The following SLC38A9 variants were observed in gnomAD, a reference collection of about 807,000 sequenced individuals.
SLC38A9 encodes neutral amino acid transporter 9.
A neutral mutation model predicts 62.3 loss-of-function variants in SLC38A9; 48 were observed. That is an observed-to-expected ratio of 0.77 (90% CI 0.61 to 0.98). SLC38A9 has a LOEUF of 0.98. SLC38A9 is among the 50% of genes least tolerant of loss of function. The pLI is 0.00. For missense variants in SLC38A9, 541 were observed against 679.8 expected, an observed-to-expected ratio of 0.80 and a Z score of 2.27; for synonymous variants, 204 against 227.7, an observed-to-expected ratio of 0.90 and a Z score of 0.94.
Position 55,712,269 on chromosome 5 carries a change from C to T in SLC38A9, c.-135G>A, listed in dbSNP as rs571166709. ...AGAACTAGACGAGAAGATAAAGATT[C>T]CCTTCCCAAATTCTCGCAATTTGCG... On this transcript the variant is annotated 5_prime_UTR_variant, in exon 1 of 16. Transcript: ENST00000396865. The T allele has an allele frequency of 1.3e-5, 2 of 152,794 alleles. No individual in the cohort carries two copies. Among genetic ancestry groups the T allele is most frequent in the Admixed American group, 6.5e-5 (1 of 15,312 alleles). 9.5% of individuals were successfully genotyped at this position (152,794 alleles called of 1,614,324 possible).
chr5:55,626,560 T>G lies in SLC38A9; in HGVS notation c.1620A>C (p.Lys540Asn). The part of the protein sequence containing the change: ...LHQEERLTWP[K>N]LIFHVFIIIL... ...TGATGATGAAAACGTGGAAGATTAA[T>G]TTAGGCCATGTCAGACGCTCTTCTT... Residue 540 changes from lysine to asparagine, a missense_variant, in exon 16 of 16, where the codon AAA becomes AAC. By Grantham distance (94) the Lys-to-Asn change is moderately conservative. Coordinates refer to ENST00000396865, the MANE Select transcript of SLC38A9 (RefSeq NM_173514.4). 1.2e-6 allele frequency: 2 copies of G among 1,613,740 alleles called. No homozygotes were observed. Among genetic ancestry groups the G allele is most frequent in the Non-Finnish European group, 1.7e-6 (2 of 1,179,844 alleles).
intron 12 of SLC38A9, among the ~76,000 whole-genome samples, chr5:55,640,541 C>A (rs1745289700): frequency 6.6e-6 from 1 of 152,184 alleles, no homozygotes; most frequent in African/African-American, 2.4e-5. Flanking sequence ...CCATCTCAGT[C>A]CAGCCCTGAG....
chr5:55,676,771 A>T (rs987724216), intron 3 of SLC38A9, among the ~76,000 whole-genome samples: 1 of 152,168 alleles, frequency 6.6e-6, no homozygotes, highest in African/African-American at 2.4e-5. Context: ...TAAAAACAAA[A>T]ACAACCCCAT....
chr5:55,628,324 C>T (rs998988560), intron 14 of SLC38A9, among the ~76,000 whole-genome samples: 3 of 152,028 alleles, frequency 2.0e-5, no homozygotes, highest in African/African-American at 7.2e-5. Flanking sequence ...TATGAAAAAA[C>T]AGAAGAATCC....
chr5:55,638,944 G>A (rs1224689554), intron 12 of SLC38A9, among the ~76,000 whole-genome samples: 1 of 152,150 alleles, frequency 6.6e-6, no homozygotes, highest in African/African-American at 2.4e-5. Flanking sequence ...AGGGTTATAG[G>A]GACTACATAT....
In SLC38A9 at chr5:55,632,451, AAAC is replaced by A. The variant is rs756916716; in HGVS notation, c.1430+1300_1430+1302del. Reference sequence around the variant, plus strand: ...AGACTCAGTCTCAGAAAACAAAAACAAACAACAACAACAACAAAAACTGCATAA... The same window carrying A: ...AGACTCAGTCTCAGAAAACAAAAACAAACAACAACAACAAAAACTGCATAA... On this transcript the variant is annotated intron_variant, in intron 14 of 15. Coordinates refer to ENST00000396865, the MANE Select transcript of SLC38A9 (RefSeq NM_173514.4). Among the ~76,000 whole-genome samples the A allele has an allele frequency of 4.0e-5, 6 of 151,356 alleles. No homozygotes were observed. The South Asian group carries it at 6.3e-4, about 16-fold the overall frequency.
chr5:55,678,614 A>G (rs1369136661), intron 3 of SLC38A9, among the ~76,000 whole-genome samples: 3 of 148,692 alleles, frequency 2.0e-5, no homozygotes, highest in Non-Finnish European at 4.5e-5. Flanking sequence ...AAAAAACATC[A>G]CATGTAATTG....
chr5:55,670,699 T>C (rs1580273838), intron 4 of SLC38A9, among the ~76,000 whole-genome samples: 1 of 152,318 alleles, frequency 6.6e-6, no homozygotes, highest in East Asian at 1.9e-4. Flanking sequence ...ACAATATACA[T>C]GCAGGTATAA....
rs137871321 is a variant in SLC38A9, at chr5:55,649,349, T to A, written c.953-35A>T. The A allele has an allele frequency of 1.6e-3, 2,059 of 1,267,232 alleles. 5 individuals are homozygous for A. The highest frequency in any genetic ancestry group is 2.7e-3 in the Middle Eastern group (14 of 5,182). 78.5% of individuals were successfully genotyped at this position (1,267,232 alleles called of 1,614,324 possible). A position where few individuals can be genotyped will look rare whatever the true frequency, so the allele number is the denominator to read the frequency against. On this transcript the variant is annotated intron_variant, in intron 10 of 15. Transcript: ENST00000396865. ...AAAAATTCAGAAACCATTTATTATC[T>A]TTGTGTGTTTTACAGATTATTTTAA...
At chr5:55,685,455 TC>T (rs1278242337) in intron 3 of SLC38A9, among the ~76,000 whole-genome samples, 16 of 152,364 alleles carry the variant, frequency 1.1e-4, no homozygotes, top group African/African-American at 3.8e-4. Flanking sequence ...TTGAGTTGTT[TC>T]CACTTTGACC....
intron 4 of SLC38A9, among the ~76,000 whole-genome samples, 160 bp from the exon 5 acceptor site, chr5:55,670,039 A>G (rs1751046948): frequency 6.6e-6 from 1 of 151,918 alleles, no homozygotes; most frequent in African/African-American, 2.4e-5. Context: ...ATCTCGGCTC[A>G]CTGCAAGCGC....
intron 12 of SLC38A9, among the ~76,000 whole-genome samples, chr5:55,640,428 T>C (rs902269731): frequency 1.3e-5 from 2 of 152,246 alleles, no homozygotes; most frequent in Admixed American, 1.3e-4. Flanking sequence ...ACTCATTTTA[T>C]GGTATTTACA....
At chr5:55,646,925 A>G (rs904258178) in intron 11 of SLC38A9, among the ~76,000 whole-genome samples, 5 of 152,074 alleles carry the variant, frequency 3.3e-5, no homozygotes, top group African/African-American at 1.2e-4. Context: ...TAAGTTTAAA[A>G]GAATTATTTT....
chr5:55,638,005 G>C (rs534587106), intron 12 of SLC38A9, among the ~76,000 whole-genome samples: 3 of 152,054 alleles, frequency 2.0e-5, no homozygotes, highest in Non-Finnish European at 4.4e-5. Context: ...GAGGTAACAA[G>C]TTATGAGTAA....
chr5:55,708,181 T>C (rs559197844), intron 2 of SLC38A9, among the ~76,000 whole-genome samples: 2 of 152,284 alleles, frequency 1.3e-5, no homozygotes, highest in East Asian at 3.9e-4. Flanking sequence ...TGTTGGTGAC[T>C]GAGCCAGGCA....
chr5:55,686,625 T>A (rs1448996929), intron 3 of SLC38A9, among the ~76,000 whole-genome samples: 1 of 112,534 alleles, frequency 8.9e-6, no homozygotes, highest in East Asian at 2.3e-4. Flanking sequence ...TTAGTTTAAT[T>A]AGATCCCATT....
chr5:55,628,714 C>T (rs1457131283), intron 14 of SLC38A9, among the ~76,000 whole-genome samples: 1 of 151,992 alleles, frequency 6.6e-6, no homozygotes, highest in East Asian at 1.9e-4. Context: ...ATACTTTGAC[C>T]ATAAAGAAAG....
intron 3 of SLC38A9, chr5:55,693,390 A>G (rs545851532): frequency 6.6e-6 from 1 of 152,256 alleles, no homozygotes; most frequent in Non-Finnish European, 1.5e-5. Flanking sequence ...AGGAAAAAAT[A>G]TTCCATTGTA....
chr5:55,693,536 T>A (rs532409654), intron 3 of SLC38A9: 1 of 152,172 alleles, frequency 6.6e-6, no homozygotes, highest in East Asian at 1.9e-4. Flanking sequence ...TGCTTAGAAG[T>A]GAAATTACTG....
Sources: gnomAD v4.1 joint callset for allele counts (sites outside exome capture counted in the v4.1 genomes callset) on GRCh38, gnomAD v4.1.1 for gene constraint, MANE v1.5 for transcripts, NCBI Gene and HGNC (gene_info 2026-07-23, HGNC 2026-07-21) for gene names.